HIVEP3: variants seen among roughly 807,000 people sequenced by gnomAD.
HIVEP3 encodes transcription factor HIVEP3.
A neutral mutation model predicts 152.8 loss-of-function variants in HIVEP3; 49 were observed. That is an observed-to-expected ratio of 0.32 (90% CI 0.26 to 0.41). HIVEP3 has a LOEUF of 0.41. Ranked by LOEUF, HIVEP3 falls within the 10% of genes least tolerant of loss-of-function variation. The pLI, the probability that HIVEP3 is intolerant of heterozygous loss-of-function variation, is 1.00. For missense variants in HIVEP3, 2,790 were observed against 3,103.3 expected, an observed-to-expected ratio of 0.90 and a Z score of 2.40; for synonymous variants, 1,269 against 1,289.0, an observed-to-expected ratio of 0.98 and a Z score of 0.33.
rs1416701965 is a variant in HIVEP3, at chr1:41,873,337, G to C, written c.-801+45076C>G. 6.6e-6 allele frequency among the ~76,000 whole-genome samples: 1 copy of C among 152,248 alleles called. No homozygotes were observed. The highest frequency in any genetic ancestry group is 1.9e-4 in the East Asian group (1 of 5,202). On this transcript the variant is annotated intron_variant, in intron 1 of 8. Transcript: ENST00000372583. This position sits in a 1 kb window ranked among gnomAD's most constrained non-coding sequence, Gnocchi z 4.2. ...CTTGGGGGTACCACTAGGCCCCGGG[G>C]ACATGCACTCAGCTGGCCCAGGCAC...
intron 1 of HIVEP3, among the ~76,000 whole-genome samples, chr1:41,986,900 G>A (rs57342564): frequency 1.3e-5 from 2 of 152,098 alleles, no homozygotes; most frequent in Admixed American, 1.3e-4. Context: ...ACAGAAGTTT[G>A]TATTCTTTAA....
chr1:41,874,065 T>A (rs1644126656), intron 1 of HIVEP3, among the ~76,000 whole-genome samples: 2 of 152,232 alleles, frequency 1.3e-5, no homozygotes, highest in Non-Finnish European at 2.9e-5. Flanking sequence ...CCTGAGTTCA[T>A]AATGACTCCT....
intron 1 of HIVEP3, among the ~76,000 whole-genome samples, chr1:41,946,463 C>T (rs991671953): frequency 2.6e-5 from 4 of 152,162 alleles, no homozygotes; most frequent in Admixed American, 1.3e-4. Flanking sequence ...TGTCACTATC[C>T]GAGGGGGTCC....
At chr1:41,676,600 C>G (rs528217045) in intron 2 of HIVEP3, among the ~76,000 whole-genome samples, 1 of 152,294 alleles carries the variant, frequency 6.6e-6, no homozygotes, top group South Asian at 2.1e-4. Context: ...ACTGACTCAG[C>G]GCTTTCATCC....
rs577254778 is a variant in HIVEP3 at position 41,770,444 on chromosome 1, C to T, written c.-800-69449G>A. On this transcript the variant is annotated intron_variant, in intron 1 of 8. Coordinates refer to ENST00000372583, the MANE Select transcript of HIVEP3 (RefSeq NM_024503.5). ...AGCATGGGCCGGATGTATTGACTGG[C>T]TTCTAATGACAGATTATGGAGAGGG... Among the ~76,000 whole-genome samples, 111 of 152,224 alleles carry T rather than the reference C, an allele frequency of 7.3e-4. No homozygotes were observed. The Middle Eastern group carries it at 0.01, about 14-fold the overall frequency.
At chr1:41,578,364 C>A (rs997909521) in intron 4 of HIVEP3, among the ~76,000 whole-genome samples, 1 of 152,164 alleles carries the variant, frequency 6.6e-6, no homozygotes, top group African/African-American at 2.4e-5. Flanking sequence ...GACATTAACA[C>A]AAAAGTGGAA....
intron 1 of HIVEP3, among the ~76,000 whole-genome samples, chr1:41,868,824 A>T (rs1039775209): frequency 6.6e-6 from 1 of 152,232 alleles, no homozygotes; most frequent in African/African-American, 2.4e-5. Flanking sequence ...TTAATTGGGG[A>T]TACTAACACT....
rs182407334 is a variant in HIVEP3, at chr1:42,029,484, T to C, written n.119+6323A>G. Among the ~76,000 whole-genome samples, 12 of 152,308 alleles carry C rather than the reference T, an allele frequency of 7.9e-5. No individual in the cohort carries two copies. The East Asian group carries it at 2.3e-3, about 29-fold the overall frequency. ...GAAGGGTTCTTGGGAATAATGATTA[T>C]TATTAACAGACTAGGAGAGGCCCCT... On this transcript the variant is annotated intron_variant and non_coding_transcript_variant, in intron 1 of 3. Transcript: ENST00000489103.
At chr1:41,632,802 G>C (rs1317282055) in intron 2 of HIVEP3, among the ~76,000 whole-genome samples, 2 of 152,002 alleles carry the variant, frequency 1.3e-5, no homozygotes, top group Non-Finnish European at 2.9e-5. Flanking sequence ...AAGGACAGAG[G>C]ACCCCCAAAT....
chr1:41,860,360 C>T (rs540244732), intron 1 of HIVEP3, among the ~76,000 whole-genome samples: 42 of 152,316 alleles, frequency 2.8e-4, no homozygotes, highest in Non-Finnish European at 4.7e-4. Flanking sequence ...CACAAAGACT[C>T]CTAAGGTGGG....
At chr1:41,762,059 C>T (rs1166349048) in intron 1 of HIVEP3, among the ~76,000 whole-genome samples, 1 of 152,190 alleles carries the variant, frequency 6.6e-6, no homozygotes, top group Non-Finnish European at 1.5e-5. Flanking sequence ...TGGTTTTTTA[C>T]ACTGTCATGC....
intron 1 of HIVEP3, among the ~76,000 whole-genome samples, chr1:41,743,821 C>T (rs542024873): frequency 3.9e-5 from 6 of 152,222 alleles, no homozygotes; most frequent in African/African-American, 1.2e-4. Flanking sequence ...GGCCATCAGG[C>T]ACCTTTGCGT....
chr1:41,981,739 G>T (rs1471012035), intron 1 of HIVEP3, among the ~76,000 whole-genome samples: 1 of 152,180 alleles, frequency 6.6e-6, no homozygotes, highest in Non-Finnish European at 1.5e-5. Flanking sequence ...CACTGCTTTC[G>T]CTGGATTCAT....
chr1:41,772,216 A>G (rs1648419663), intron 1 of HIVEP3, among the ~76,000 whole-genome samples: 1 of 152,224 alleles, frequency 6.6e-6, no homozygotes, highest in African/African-American at 2.4e-5. Flanking sequence ...TTGGGCATGA[A>G]CAGGGCCACA....
At chr1:41,525,039 CAG>C in intron 5 of HIVEP3, 129 bp from the exon 6 acceptor site, 2 of 836,702 alleles carry the variant, frequency 2.4e-6, no homozygotes. Flanking sequence ...GCCACGGAAC[CAG>C]AGAGGACCAC....
chr1:41,998,948 C>T (rs559457871), intron 1 of HIVEP3, among the ~76,000 whole-genome samples: 5 of 118,084 alleles, frequency 4.2e-5, no homozygotes, highest in Admixed American at 1.2e-4. Context: ...CAGACTGGAG[C>T]GCAATGGTGC....
rs566325583 is a variant in HIVEP3 at position 41,873,220 on chromosome 1, C to T, written c.-801+45193G>A. Among the ~76,000 whole-genome samples the T allele has an allele frequency of 1.3e-5, 2 of 152,330 alleles. No homozygotes were observed. The highest frequency in any genetic ancestry group is 2.4e-5 in the African/African-American group (1 of 41,570). ...CCACCTTCACCCCACCTTCAGTGGA[C>T]GTGCAGCCCCTTCGGTGCTCCTCTC... is the stretch of plus-strand genomic sequence containing the variant. On this transcript the variant is annotated intron_variant, in intron 1 of 8. Transcript: ENST00000372583. The surrounding 1 kb of genome is among the most constrained non-coding windows in gnomAD (Gnocchi z 4.2).
chr1:41,815,451 A>G (rs768027280), intron 1 of HIVEP3, among the ~76,000 whole-genome samples: 17 of 152,304 alleles, frequency 1.1e-4, no homozygotes, highest in Non-Finnish European at 1.5e-4. Flanking sequence ...AGCCTGGGTG[A>G]TAGAGTGAGA....
At chr1:41,557,656 G>C (rs907864207) in intron 5 of HIVEP3, among the ~76,000 whole-genome samples, 5 of 152,004 alleles carry the variant, frequency 3.3e-5, no homozygotes, top group African/African-American at 1.2e-4. Flanking sequence ...GTGGGGCCCA[G>C]AGCCTCGTCT....
Sources: gnomAD v4.1 joint callset for allele counts (sites outside exome capture counted in the v4.1 genomes callset) on GRCh38, gnomAD v4.1.1 for gene constraint, Gnocchi (gnomAD v3.1) non-coding constraint, MANE v1.5 for transcripts, NCBI Gene and HGNC (gene_info 2026-07-23, HGNC 2026-07-21) for gene names.